Variants in RAB3IL1 observed in about 807,000 individuals in gnomAD.
The protein encoded by RAB3IL1 is guanine nucleotide exchange factor for Rab-3A.
A neutral mutation model predicts 49.2 loss-of-function variants in RAB3IL1; 37 were observed. The ratio of observed to expected loss-of-function variants is 0.75; its 90% CI spans 0.58 to 0.99. The LOEUF (loss-of-function observed/expected upper bound fraction) is 0.99. Ranked by LOEUF, RAB3IL1 falls within the 50% of genes least tolerant of loss-of-function variation. The pLI is 0.00. For missense variants in RAB3IL1, 484 were observed against 513.0 expected (o/e 0.94, Z 0.55); for synonymous variants, 193 against 213.9 (o/e 0.90, Z 0.85).
At chr11:61,936,963 G>A in the RAB3IL1 span, among the ~76,000 whole-genome samples, 3 of 152,200 alleles carry the variant, frequency 2.0e-5, no homozygotes, top group East Asian at 5.8e-4. Flanking sequence ...AGCTGTTCAG[G>A]TTGCTACTAA....
At chr11:61,928,262 A>G in the RAB3IL1 span, among the ~76,000 whole-genome samples, 2 of 152,102 alleles carry the variant, frequency 1.3e-5, no homozygotes, top group African/African-American at 4.8e-5. Context: ...TTCCTTACCC[A>G]CAAAGGAAAG....
chr11:61,899,226 A>T (rs1938771115), intron 9 of RAB3IL1, 88 bp downstream of exon 9: 15 of 1,409,402 alleles, frequency 1.1e-5, no homozygotes, highest in African/African-American at 1.4e-5. Context: ...TCTTGCCTCC[A>T]CTAGGGGCAG....
intron 7 of RAB3IL1, 24 bp from the exon 8 acceptor site, chr11:61,902,565 C>T (rs174471): frequency 0.37 from 588,392 of 1,572,882 alleles, 118,986 homozygotes; most frequent in Non-Finnish European, 0.42. Flanking sequence ...AAATGGGTCA[C>T]GGGGGCTGGC....
upstream of RAB3IL1, among the ~76,000 whole-genome samples, chr11:61,923,455 C>T (rs1313926624): frequency 3.9e-5 from 6 of 152,224 alleles, no homozygotes; most frequent in Admixed American, 3.3e-4. Context: ...GGCCACCATC[C>T]GCCTGCCTGT....
rs763492098 is a variant in RAB3IL1, at chr11:61,908,063, T to C, written c.255A>G (p.Arg85=). The C allele has an allele frequency of 1.2e-6, 2 of 1,608,868 alleles. No individual in the cohort carries two copies. The highest frequency in any genetic ancestry group is 1.7e-6 in the Non-Finnish European group (2 of 1,177,328). The part of the protein sequence containing the change: ...GSEFLKEELH[R]AQKELKLKDE... ...TACTGCAGGCACCCACCTTCTGCGCTCTGTGCAGCTCCTCCTTCAGGAACT... is the reference window on the plus strand; with the variant it reads ...TACTGCAGGCACCCACCTTCTGCGCCCTGTGCAGCTCCTCCTTCAGGAACT... The change falls in exon 2 of 10, where the codon AGA becomes AGG. Residue 85 remains arginine (R), a synonymous_variant. Coordinates refer to ENST00000394836, the MANE Select transcript of RAB3IL1 (RefSeq NM_013401.4).
the RAB3IL1 span, among the ~76,000 whole-genome samples, chr11:61,926,843 C>T: frequency 1.3e-5 from 2 of 151,720 alleles, no homozygotes; most frequent in Non-Finnish European, 2.9e-5. Context: ...GTGAGCCACA[C>T]CTGGCCGAGA....
chr11:61,898,325 T>C lies in RAB3IL1; in HGVS notation c.1102A>G (p.Lys368Glu). Residue 368 changes from lysine to glutamate, a missense_variant, in exon 10 of 10, where the codon AAG becomes GAG. Transcript: ENST00000394836. The surrounding 1 kb of genome is among the most constrained non-coding windows in gnomAD (Gnocchi z 5.1). ...PMFWEIMRLRKEMSLAKLGFF... is the reference protein window; with the variant it reads ...PMFWEIMRLREEMSLAKLGFF... ...CCGAGCTTGGCCAGTGACATCTCCT[T>C]CCGCAACCTCATGATCTCCCAGAAC... 1 of 1,613,600 alleles carries C rather than the reference T, an allele frequency of 6.2e-7. No homozygotes were observed. Among genetic ancestry groups the C allele is most frequent in the Non-Finnish European group, 8.5e-7 (1 of 1,179,980 alleles).
At chr11:61,908,721 T>C (rs1304155399) in intron 1 of RAB3IL1, among the ~76,000 whole-genome samples, 1 of 152,232 alleles carries the variant, frequency 6.6e-6, no homozygotes, top group Non-Finnish European at 1.5e-5. Flanking sequence ...GGGTAAAACC[T>C]TGACACCTCG....
the RAB3IL1 span, chr11:61,945,747 A>G: frequency 1.0e-6 from 1 of 984,734 alleles, no homozygotes; most frequent in Non-Finnish European, 1.2e-6. Flanking sequence ...GGGTGGGTGG[A>G]AGGTGGATAG....
chr11:61,928,634 AC>A, the RAB3IL1 span, among the ~76,000 whole-genome samples: 4 of 152,090 alleles, frequency 2.6e-5, no homozygotes, highest in Admixed American at 6.5e-5. Flanking sequence ...TGGAGCTAGG[AC>A]CCTCCAACTA....
intron 1 of RAB3IL1, among the ~76,000 whole-genome samples, chr11:61,910,724 A>G (rs1430267140): frequency 6.6e-6 from 1 of 152,172 alleles, no homozygotes; most frequent in Non-Finnish European, 1.5e-5. Flanking sequence ...TTCCCCGAAC[A>G]AGGGTATTGA....
the RAB3IL1 span, chr11:61,945,792 CAG>C: frequency 1.0e-6 from 1 of 985,378 alleles, no homozygotes; most frequent in South Asian, 4.7e-5. Context: ...TGCAGCCTGG[CAG>C]AGTCCATGGG....
Position 61,898,812 on chromosome 11 carries a change from C to T in RAB3IL1, c.1067-452G>A, listed in dbSNP as rs1047948917. 22 of 468,498 alleles carry T rather than the reference C, an allele frequency of 4.7e-5. No individual in the cohort carries two copies. The highest frequency in any genetic ancestry group is 2.6e-4 in the Admixed American group (11 of 42,852). The allele number at this position is 468,498 out of a possible 1,614,324, so 29.0% of individuals were successfully genotyped here. A position where few individuals can be genotyped will look rare whatever the true frequency, so the allele number is the denominator to read the frequency against. On this transcript the variant is annotated intron_variant, in intron 9 of 9. Transcript: ENST00000394836. This position sits in a 1 kb window ranked among gnomAD's most constrained non-coding sequence, Gnocchi z 5.1. The stretch of plus-strand genomic sequence containing the variant: ...GCCTTGGCCTCCAAGAGGACTTGAC[C>T]CCCAGGATGGAGAGGAGATAGCTCC...
rs1407333988 is a variant in RAB3IL1, at chr11:61,899,343, T to C, written c.1037A>G (p.Tyr346Cys). The part of the protein sequence containing the change: ...AVCNFFTYIR[Y>C]IQQGLVRQDA... ...CTGCCGCACCAGGCCTTGCTGGATGTAGCGGATGTAGGTGAAGAAGTTGCA... is the reference window on the plus strand; with the variant it reads ...CTGCCGCACCAGGCCTTGCTGGATGCAGCGGATGTAGGTGAAGAAGTTGCA... The change falls in exon 9 of 10, where the codon TAC (tyrosine) becomes TGC (cysteine). Residue 346 changes from tyrosine (Y) to cysteine (C), a missense_variant. Physicochemically the swap from Tyr to Cys is radical, Grantham distance 194. Transcript: ENST00000394836. The C allele has an allele frequency of 3.7e-6, 6 of 1,608,718 alleles. No homozygotes were observed. In the African/African-American group the frequency reaches 5.3e-5, roughly 14 times the overall value.
chr11:61,903,297 C>T (rs1307572973), intron 7 of RAB3IL1, among the ~76,000 whole-genome samples: 1 of 152,152 alleles, frequency 6.6e-6, no homozygotes, highest in African/African-American at 2.4e-5. Flanking sequence ...TCTGCCTCAT[C>T]GCTCTCTTTC....
chr11:61,942,842 A>G, the RAB3IL1 span, among the ~76,000 whole-genome samples: 2 of 152,234 alleles, frequency 1.3e-5, no homozygotes, highest in African/African-American at 2.4e-5. Flanking sequence ...TGAAAACCCT[A>G]CGACAGTGGT....
chr11:61,899,319 T>C lies in RAB3IL1; in HGVS notation c.1061A>G (p.Gln354Arg), dbSNP rs757943979. Reference protein sequence around the residue: ...IRYIQQGLVRQDAEPMFWEIM... With the variant: ...IRYIQQGLVRRDAEPMFWEIM... The stretch of plus-strand genomic sequence containing the variant: ...GGCCACCAGGGGGCGCTCACCGTCC[T>C]GCCGCACCAGGCCTTGCTGGATGTA... The change falls in exon 9 of 10, where the codon CAG (glutamine) becomes CGG (arginine). Residue 354 changes from glutamine (Q) to arginine (R), a missense_variant. Physicochemically the swap from Gln to Arg is conservative, Grantham distance 43. Transcript: ENST00000394836. 3.7e-6 allele frequency: 6 copies of C among 1,606,626 alleles called. No individual in the cohort carries two copies. The South Asian group carries it at 6.6e-5, about 18-fold the overall frequency.
chr11:61,903,211 G>T (rs1443735621), intron 7 of RAB3IL1, among the ~76,000 whole-genome samples: 2 of 151,802 alleles, frequency 1.3e-5, no homozygotes, highest in Non-Finnish European at 2.9e-5. Context: ...CCCTCTGCTT[G>T]GTCACCAAGT....
At chr11:61,901,327 C>T (rs1938902470) in intron 8 of RAB3IL1, among the ~76,000 whole-genome samples, 1 of 152,118 alleles carries the variant, frequency 6.6e-6, no homozygotes, top group Admixed American at 6.5e-5. Flanking sequence ...TGGTGAGAAC[C>T]CCTGTCCTGG....
Sources: gnomAD v4.1 joint callset for allele counts (sites outside exome capture counted in the v4.1 genomes callset) on GRCh38, gnomAD v4.1.1 for gene constraint, Gnocchi (gnomAD v3.1) non-coding constraint, MANE v1.5 for transcripts, NCBI Gene and HGNC (gene_info 2026-07-23, HGNC 2026-07-21) for gene names.